CYP2J2: variants seen among roughly 807,000 people sequenced by gnomAD.
CYP2J2 encodes cytochrome P450 2J2.
A neutral mutation model predicts 48.8 loss-of-function variants in CYP2J2; 41 were observed. That is an observed-to-expected ratio of 0.84 (90% CI 0.66 to 1.09). CYP2J2 has a LOEUF of 1.09. Ranked by LOEUF, CYP2J2 falls within the 50% of genes least tolerant of loss-of-function variation. CYP2J2 has a pLI of 0.00. For missense variants in CYP2J2, 644 were observed against 617.3 expected (o/e 1.04, Z -0.46); for synonymous variants, 221 against 227.1 (o/e 0.97, Z 0.24).
chr1:59,931,134 G>C (rs1026749677), upstream of CYP2J2, among the ~76,000 whole-genome samples: 1 of 152,102 alleles, frequency 6.6e-6, no homozygotes, highest in African/African-American at 2.4e-5. Context: ...CCTAAAATTA[G>C]AGACACACAA....
At chr1:59,926,869 T>A, upstream of CYP2J2, 1 of 851,942 alleles carries the variant, frequency 1.2e-6, no homozygotes, top group Admixed American at 2.7e-5. Flanking sequence ...CGCAGCACCC[T>A]GCGAAGATGC....
chr1:59,955,636 C>A, the CYP2J2 span, among the ~76,000 whole-genome samples: 1 of 152,062 alleles, frequency 6.6e-6, no homozygotes, highest in South Asian at 2.1e-4. Flanking sequence ...AGGGACACAT[C>A]CTATGCCTCT....
chr1:59,948,588 A>G, the CYP2J2 span, among the ~76,000 whole-genome samples: 2 of 152,216 alleles, frequency 1.3e-5, no homozygotes, highest in Non-Finnish European at 2.9e-5. Context: ...AATGGCAAAA[A>G]CCACAATTAC....
chr1:59,893,628 T>G lies in CYP2J2; in HGVS notation c.*23A>C. The G allele has an allele frequency of 1.9e-6, 3 of 1,556,930 alleles. No individual in the cohort carries two copies. The highest frequency in any genetic ancestry group is 2.6e-6 in the Non-Finnish European group (3 of 1,147,092). On this transcript the variant is annotated 3_prime_UTR_variant, in exon 9 of 9. Transcript: ENST00000371204. The stretch of plus-strand genomic sequence containing the variant: ...ACGTGCCATGTCTTCTTACTTTCCT[T>G]GCCCCTTTCTTTCTTAACAATATTA...
upstream of CYP2J2, among the ~76,000 whole-genome samples, chr1:59,929,411 G>C (rs1035736914): frequency 1.3e-5 from 2 of 152,146 alleles, no homozygotes; most frequent in African/African-American, 4.8e-5. Context: ...AAGAAAGTAG[G>C]CAACTGAAAC....
chr1:59,927,115 C>T (rs1307510224), upstream of CYP2J2, among the ~76,000 whole-genome samples: 2 of 152,064 alleles, frequency 1.3e-5, no homozygotes, highest in Non-Finnish European at 2.9e-5. Flanking sequence ...AGCACATCCG[C>T]CTCTTTACAT....
In CYP2J2 at chr1:59,906,003, G is replaced by A. The variant is rs188501390; in HGVS notation, c.1004-945C>T. Among the ~76,000 whole-genome samples the A allele has an allele frequency of 3.7e-4, 57 of 152,218 alleles. 1 individual carries two copies. Among genetic ancestry groups the A allele is most frequent in the African/African-American group, 1.3e-3 (52 of 41,538 alleles). On this transcript the variant is annotated intron_variant, in intron 6 of 8. Transcript: ENST00000371204. ...AGATCGAGACCATCCTGGCTAACAC[G>A]GTGAAATCCCATCTCTACTAAAAAT... is the stretch of plus-strand genomic sequence containing the variant.
upstream of CYP2J2, among the ~76,000 whole-genome samples, chr1:59,928,006 T>C (rs1283273696): frequency 1.3e-5 from 2 of 152,236 alleles, no homozygotes; most frequent in Non-Finnish European, 2.9e-5. Context: ...CTAATATTTA[T>C]ATATGATATT....
At chr1:59,897,280 C>A (rs1422382266) in intron 8 of CYP2J2, among the ~76,000 whole-genome samples, 1 of 152,198 alleles carries the variant, frequency 6.6e-6, no homozygotes, top group Non-Finnish European at 1.5e-5. Context: ...CTGGACCTAG[C>A]AAGTCAGGAA....
the CYP2J2 span, among the ~76,000 whole-genome samples, chr1:59,949,042 T>TG: frequency 4.0e-5 from 6 of 151,552 alleles, no homozygotes; most frequent in African/African-American, 1.2e-4. Flanking sequence ...ACCACATCTC[T>TG]GAAAAAAAAA....
intron 5 of CYP2J2, among the ~76,000 whole-genome samples, chr1:59,908,567 G>A (rs1273826986): frequency 6.6e-6 from 1 of 152,046 alleles, no homozygotes; most frequent in African/African-American, 2.4e-5. Flanking sequence ...ACTTCAATTT[G>A]TCCAATGTTG....
chr1:59,947,567 G>A, the CYP2J2 span, among the ~76,000 whole-genome samples: 1 of 152,268 alleles, frequency 6.6e-6, no homozygotes, highest in Admixed American at 6.5e-5. Context: ...AGAGTTGCTA[G>A]GAGAGCTTGG....
At chr1:59,956,245 GA>G in the CYP2J2 span, among the ~76,000 whole-genome samples, 1 of 152,032 alleles carries the variant, frequency 6.6e-6, no homozygotes, top group Non-Finnish European at 1.5e-5. Context: ...CTACAACTTT[GA>G]AATTATTTTC....
At chr1:59,954,953 A>G in the CYP2J2 span, among the ~76,000 whole-genome samples, 3 of 151,856 alleles carry the variant, frequency 2.0e-5, no homozygotes, top group South Asian at 6.2e-4. Flanking sequence ...CCTGGGCAAC[A>G]TGGCACAACC....
chr1:59,945,804 T>C, the CYP2J2 span, among the ~76,000 whole-genome samples: 1 of 152,238 alleles, frequency 6.6e-6, no homozygotes, highest in African/African-American at 2.4e-5. Flanking sequence ...CTCTGGCTTC[T>C]CAGGCTAAGA....
the CYP2J2 span, among the ~76,000 whole-genome samples, chr1:59,934,222 A>G: frequency 6.6e-6 from 1 of 152,212 alleles, no homozygotes; most frequent in Non-Finnish European, 1.5e-5. Flanking sequence ...TATAACACAG[A>G]CAAAAATAAA....
chr1:59,910,299 G>C (rs1644401401), intron 4 of CYP2J2, among the ~76,000 whole-genome samples: 1 of 152,108 alleles, frequency 6.6e-6, no homozygotes, highest in Non-Finnish European at 1.5e-5. Flanking sequence ...TTTTATTTTT[G>C]TTAAAATGGG....
the CYP2J2 span, among the ~76,000 whole-genome samples, chr1:59,944,972 ATTATT>A: frequency 6.6e-6 from 1 of 151,958 alleles, no homozygotes; most frequent in South Asian, 2.1e-4. Flanking sequence ...ATATTTATCT[ATTATT>A]TATGTTGCTA....
the CYP2J2 span, among the ~76,000 whole-genome samples, chr1:59,938,862 G>T: frequency 2.0e-5 from 3 of 152,266 alleles, no homozygotes; most frequent in Non-Finnish European, 4.4e-5. Flanking sequence ...GCTTTCCGCA[G>T]TGCATTGTGC....
Sources: allele counts gnomAD v4.1 joint callset (sites outside exome capture counted in the v4.1 genomes callset), GRCh38; gene constraint gnomAD v4.1.1; transcripts MANE v1.5; gene names NCBI Gene and HGNC (gene_info 2026-07-23, HGNC 2026-07-21).